FGGY: variants seen among roughly 807,000 people sequenced by gnomAD.
FGGY encodes the protein FGGY carbohydrate kinase domain containing, also known as FGGY carbohydrate kinase domain-containing protein.
A neutral mutation model predicts 71.3 loss-of-function variants in FGGY; 72 were observed. That is an observed-to-expected ratio of 1.01 (90% CI 0.84 to 1.23). FGGY has a LOEUF of 1.23. Ranked by LOEUF, FGGY falls within the 50% of genes most tolerant of loss-of-function variation. The probability of loss-of-function intolerance (pLI) is 0.00; values close to 1 mark genes in which losing one functional copy is unlikely to be tolerated. For missense variants in FGGY, 668 were observed against 682.3 expected, an observed-to-expected ratio of 0.98 and a Z score of 0.23; for synonymous variants, 251 against 250.3, an observed-to-expected ratio of 1.00 and a Z score of -0.02.
chr1:59,562,229 C>T (rs777330644), intron 8 of FGGY, among the ~76,000 whole-genome samples: 9 of 152,142 alleles, frequency 5.9e-5, no homozygotes, highest in Admixed American at 5.2e-4. Context: ...TGGAAACAAC[C>T]GAGATATCTT....
At chr1:59,576,006 C>G (rs1477599592) in intron 8 of FGGY, among the ~76,000 whole-genome samples, 2 of 152,156 alleles carry the variant, frequency 1.3e-5, no homozygotes, top group Admixed American at 6.5e-5. Context: ...TTTATATCTT[C>G]TTTTGCTGTT....
intron 5 of FGGY, among the ~76,000 whole-genome samples, chr1:59,435,235 T>C (rs1445810937): frequency 2.0e-5 from 3 of 151,982 alleles, no homozygotes; most frequent in Non-Finnish European, 4.4e-5. Context: ...CACAAAGAGG[T>C]TGATATTTTG....
At chr1:59,383,219 C>T (rs1241627948) in intron 5 of FGGY, among the ~76,000 whole-genome samples, 1 of 152,054 alleles carries the variant, frequency 6.6e-6, no homozygotes, top group East Asian at 1.9e-4. Context: ...CCCAGGTCTT[C>T]TAGTTTTCAG....
intron 5 of FGGY, among the ~76,000 whole-genome samples, chr1:59,379,305 T>G (rs888753828): frequency 1.3e-5 from 2 of 152,154 alleles, no homozygotes; most frequent in Non-Finnish European, 2.9e-5. Context: ...GATAGTGTAT[T>G]CTACTACATA....
In FGGY at chr1:59,571,339, A is replaced by G. The variant is rs184938639; in HGVS notation, c.903+17112A>G. Among the ~76,000 whole-genome samples, 333 of 152,356 alleles carry G rather than the reference A, an allele frequency of 2.2e-3. 3 individuals carry two copies. The highest frequency in any genetic ancestry group is 3.2e-3 in the Non-Finnish European group (218 of 68,032). The stretch of plus-strand genomic sequence containing the variant: ...TTTTATGTAGCCAGTTGTTTAGAGC[A>G]TTCACTCTGTGCCAGGTACTGGAGA... On this transcript the variant is annotated intron_variant, in intron 8 of 15. Transcript: ENST00000303721.
intron 5 of FGGY, among the ~76,000 whole-genome samples, chr1:59,441,834 T>G (rs1006470327): frequency 6.6e-6 from 1 of 152,196 alleles, no homozygotes; most frequent in South Asian, 2.1e-4. Context: ...TGGAAGAGTC[T>G]TTAGGAGATC....
intron 15 of FGGY, among the ~76,000 whole-genome samples, chr1:59,760,272 A>G (rs1439876863): frequency 6.6e-6 from 1 of 152,230 alleles, no homozygotes; most frequent in African/African-American, 2.4e-5. Flanking sequence ...TTAGGATGCT[A>G]CTATTTTAAA....
chr1:59,374,348 A>T (rs1277951718), intron 4 of FGGY, among the ~76,000 whole-genome samples: 2 of 152,230 alleles, frequency 1.3e-5, no homozygotes, highest in Non-Finnish European at 2.9e-5. Context: ...TCAAAACCAC[A>T]ATGAGATATC....
At chr1:59,517,985 A>G (rs574766101) in intron 7 of FGGY, among the ~76,000 whole-genome samples, 1 of 152,332 alleles carries the variant, frequency 6.6e-6, no homozygotes, top group African/African-American at 2.4e-5. Context: ...TCATCACATT[A>G]CCAAGTTTCG....
At chr1:59,400,798 G>T (rs2061859269) in intron 5 of FGGY, among the ~76,000 whole-genome samples, 1 of 151,622 alleles carries the variant, frequency 6.6e-6, no homozygotes, top group Non-Finnish European at 1.5e-5. Context: ...TTGAGATAGG[G>T]TCTTGCTCTG....
intron 4 of FGGY, among the ~76,000 whole-genome samples, chr1:59,359,121 A>G (rs2054910000): frequency 6.6e-6 from 1 of 152,202 alleles, no homozygotes; most frequent in African/African-American, 2.4e-5. Context: ...AAGCAAAGCA[A>G]GCAATTAGAA....
chr1:59,335,922 T>A (rs771644674), intron 2 of FGGY, among the ~76,000 whole-genome samples: 40 of 152,194 alleles, frequency 2.6e-4, no homozygotes, highest in Non-Finnish European at 4.4e-4. Flanking sequence ...GATGTGTTGT[T>A]TGCAAATATT....
At chr1:59,724,942 T>A (rs1450195389) in intron 14 of FGGY, among the ~76,000 whole-genome samples, 2 of 152,208 alleles carry the variant, frequency 1.3e-5, no homozygotes, top group Non-Finnish European at 2.9e-5. Flanking sequence ...GTTAAAAATG[T>A]CTGTTGCAGA....
chr1:59,560,576 CTAAAATT>C (rs939398697), intron 8 of FGGY, among the ~76,000 whole-genome samples: 19 of 152,116 alleles, frequency 1.2e-4, no homozygotes, highest in African/African-American at 4.6e-4. Context: ...TAAAACTATT[CTAAAATT>C]TAAAATTTAT....
chr1:59,605,139 G>A (rs1312873058), intron 8 of FGGY, among the ~76,000 whole-genome samples: 1 of 152,172 alleles, frequency 6.6e-6, no homozygotes, highest in African/African-American at 2.4e-5. Flanking sequence ...TTTCCTTGGA[G>A]AAGCATTCCC....
intron 1 of FGGY, among the ~76,000 whole-genome samples, chr1:59,315,309 G>A (rs935211472): frequency 2.6e-5 from 4 of 151,632 alleles, no homozygotes; most frequent in African/African-American, 9.7e-5. Flanking sequence ...ATCAATCAAA[G>A]GATTTCTTAG....
chr1:59,301,621 T>G (rs186584861), intron 1 of FGGY, among the ~76,000 whole-genome samples: 4 of 152,284 alleles, frequency 2.6e-5, no homozygotes, highest in Admixed American at 1.3e-4. Context: ...GAAGTTTCAT[T>G]GTATTCCTAC....
intron 15 of FGGY, among the ~76,000 whole-genome samples, chr1:59,759,747 CAT>C (rs2098326778): frequency 6.6e-6 from 1 of 152,196 alleles, no homozygotes; most frequent in Non-Finnish European, 1.5e-5. Context: ...TGTGGGACGA[CAT>C]TTACTTAGGC....
intron 5 of FGGY, among the ~76,000 whole-genome samples, chr1:59,421,293 A>G (rs980268647): frequency 2.6e-5 from 4 of 152,238 alleles, no homozygotes; most frequent in Non-Finnish European, 4.4e-5. Context: ...CAGAATGGCT[A>G]TATGATGATA....
Sources: gnomAD v4.1 joint callset for allele counts (sites outside exome capture counted in the v4.1 genomes callset) on GRCh38, gnomAD v4.1.1 for gene constraint, MANE v1.5 for transcripts, NCBI Gene and HGNC (gene_info 2026-07-23, HGNC 2026-07-21) for gene names.